The following RFX6 variants were observed in gnomAD, a reference collection of about 807,000 sequenced individuals.
RFX6 encodes regulatory factor X6, also known as DNA-binding protein RFX6.
RFX6 carries 50 observed loss-of-function variants against 110.8 expected under a neutral mutation model. The ratio of observed to expected loss-of-function variants is 0.45; its 90% CI spans 0.36 to 0.57. RFX6 has a LOEUF of 0.57. Ranked by LOEUF, RFX6 falls within the 20% of genes least tolerant of loss-of-function variation. The probability of loss-of-function intolerance (pLI) is 0.00; values close to 1 mark genes in which losing one functional copy is unlikely to be tolerated. For missense variants in RFX6, 990 were observed against 1,127.0 expected (o/e 0.88, Z 1.74); for synonymous variants, 383 against 411.2 (o/e 0.93, Z 0.83).
intron 14 of RFX6, chr6:116,923,509 T>C (rs1403409637): frequency 2.4e-6 from 1 of 424,990 alleles, no homozygotes; most frequent in Non-Finnish European, 4.3e-6. Flanking sequence ...TGAGATGATG[T>C]ATATAAAAAC....
rs1303001714 is a variant in RFX6 at position 116,883,144 on chromosome 6, C to A, written c.566+716C>A. On this transcript the variant is annotated intron_variant, in intron 4 of 18. Transcript: ENST00000332958. The stretch of plus-strand genomic sequence containing the variant: ...CTTCATGATTGCTCTAGTATTTCCC[C>A]CTTTGAGCTGTTGCTTCCCTTACCA... Among the ~76,000 whole-genome samples, 4 of 152,100 alleles carry A rather than the reference C, an allele frequency of 2.6e-5. No homozygotes were observed. The South Asian group carries it at 8.3e-4, about 32-fold the overall frequency.
At chr6:116,908,426 A>T (rs1283657484) in intron 6 of RFX6, among the ~76,000 whole-genome samples, 1 of 152,126 alleles carries the variant, frequency 6.6e-6, no homozygotes, top group Non-Finnish European at 1.5e-5. Flanking sequence ...AATCAATTAC[A>T]TCAGTAGCAA....
chr6:116,907,752 T>C (rs543835851), intron 6 of RFX6, among the ~76,000 whole-genome samples: 1 of 152,226 alleles, frequency 6.6e-6, no homozygotes, highest in Admixed American at 6.5e-5. Context: ...GTTGGTTTAT[T>C]ATGCTGTCAC....
At chr6:116,900,402 G>C (rs1190515659) in intron 6 of RFX6, among the ~76,000 whole-genome samples, 3 of 151,950 alleles carry the variant, frequency 2.0e-5, no homozygotes. Flanking sequence ...TTACAGGCGT[G>C]CGCCGCCACA....
chr6:116,877,434 CG>C lies in RFX6; in HGVS notation c.164del (p.Gly55AlafsTer18), dbSNP rs778390705. 1.9e-6 allele frequency: 3 copies of C among 1,593,380 alleles called. No individual in the cohort carries two copies. The highest frequency in any genetic ancestry group is 2.6e-6 in the Non-Finnish European group (3 of 1,169,706). ...TVYLAAEGQP[G>X]GEQGGGEKGE... ...TGTACCTGGCGGCCGAAGGGCAGCC[CG>C]GGGGCGAGCAGGGCGGCGGGGAGAA... is the stretch of plus-strand genomic sequence containing the variant. On this transcript the variant is annotated frameshift_variant, in exon 1 of 19. Coordinates refer to ENST00000332958, the MANE Select transcript of RFX6 (RefSeq NM_173560.4). LOFTEE classifies it high-confidence loss of function.
chr6:116,877,273 AG>A lies in RFX6; in HGVS notation c.-1del. ...CGCGCGGAGGTGTCCGGCGGCCAGG[AG>A]GATGGCCAAGGTCCCGGAGCTGGAA... On this transcript the variant is annotated 5_prime_UTR_variant, in exon 1 of 19. Coordinates refer to ENST00000332958, the MANE Select transcript of RFX6 (RefSeq NM_173560.4). The A allele has an allele frequency of 6.2e-7, 1 of 1,606,424 alleles. No individual in the cohort carries two copies. Among genetic ancestry groups the A allele is most frequent in the Non-Finnish European group, 8.5e-7 (1 of 1,176,236 alleles).
chr6:116,917,311 A>G (rs1040298646), intron 9 of RFX6, among the ~76,000 whole-genome samples: 1 of 150,570 alleles, frequency 6.6e-6, no homozygotes, highest in Non-Finnish European at 1.5e-5. Context: ...AGTTGAAAAA[A>G]TTTCAGAGGA....
intron 4 of RFX6, among the ~76,000 whole-genome samples, chr6:116,891,307 A>C (rs1241054165): frequency 3.3e-5 from 5 of 152,192 alleles, no homozygotes; most frequent in African/African-American, 1.2e-4. Flanking sequence ...TTTGTGTACC[A>C]CCTGTGAAGA....
chr6:116,880,724 G>A, intron 3 of RFX6, 57 bp downstream of exon 3: 1 of 1,577,140 alleles, frequency 6.3e-7, no homozygotes, highest in Non-Finnish European at 8.7e-7. Context: ...CAGGCAGATA[G>A]CATGAAAATG....
intron 4 of RFX6, among the ~76,000 whole-genome samples, chr6:116,891,037 T>A (rs78781268): frequency 0.026 from 3,976 of 152,288 alleles, 82 homozygotes; most frequent in South Asian, 0.041. Flanking sequence ...GCAATTTTTT[T>A]AAAATGTGAA....
At chr6:116,883,693 C>T (rs898664002) in intron 4 of RFX6, among the ~76,000 whole-genome samples, 1 of 152,074 alleles carries the variant, frequency 6.6e-6, no homozygotes, top group South Asian at 2.1e-4. Context: ...GTGCTTACCC[C>T]CACATATGGC....
intron 18 of RFX6, among the ~76,000 whole-genome samples, chr6:116,930,274 G>T (rs1048569102): frequency 2.1e-5 from 3 of 141,276 alleles, no homozygotes; most frequent in Non-Finnish European, 4.6e-5. Flanking sequence ...TATAAAGCCT[G>T]GTTCTTAGAC....
At chr6:116,926,481 T>C (rs1775736090) in intron 16 of RFX6, among the ~76,000 whole-genome samples, 1 of 152,196 alleles carries the variant, frequency 6.6e-6, no homozygotes, top group East Asian at 1.9e-4. Flanking sequence ...ATACATTACT[T>C]CATTTGATAT....
chr6:116,885,664 A>G (rs1774685376), intron 4 of RFX6, among the ~76,000 whole-genome samples: 1 of 152,162 alleles, frequency 6.6e-6, no homozygotes, highest in African/African-American at 2.4e-5. Flanking sequence ...TATCAATCGT[A>G]TCAACAAATA....
At chr6:116,884,639 G>C (rs1774661098) in intron 4 of RFX6, 1 of 152,132 alleles carries the variant, frequency 6.6e-6, no homozygotes, top group Admixed American at 6.5e-5. Context: ...GCAATGAAGA[G>C]AAACCCTCTT....
Position 116,928,882 on chromosome 6 carries a change from T to C in RFX6, c.2522T>C (p.Leu841Pro). 1.9e-6 allele frequency: 3 copies of C among 1,613,938 alleles called. No individual in the cohort carries two copies. The highest frequency in any genetic ancestry group is 2.2e-5 in the East Asian group (1 of 44,884). ...CCCTACAGTGACATCCACGATCCAC[T>C]TAACATTTTAGATGACAGTGGTAGA... ...LPPYSDIHDP[L>P]NILDDSGRKQ... The change falls in exon 18 of 19, where the codon CTT becomes CCT. Residue 841 changes from leucine (L) to proline (P), a missense_variant. Physicochemically the swap from Leu to Pro is moderately conservative, Grantham distance 98. Coordinates refer to ENST00000332958, the MANE Select transcript of RFX6 (RefSeq NM_173560.4).
chr6:116,895,342 A>C, intron 6 of RFX6, 135 bp downstream of exon 6: 1 of 570,042 alleles, frequency 1.8e-6, no homozygotes, highest in South Asian at 2.2e-5. Context: ...GAAGGACTTC[A>C]GATACAGCTC....
chr6:116,915,701 T>A (rs977613372), intron 7 of RFX6, among the ~76,000 whole-genome samples: 1 of 152,026 alleles, frequency 6.6e-6, no homozygotes, highest in Non-Finnish European at 1.5e-5. Flanking sequence ...TAAATTTAAA[T>A]TAAAAATTAA....
chr6:116,877,351 G>A lies in RFX6; in HGVS notation c.76G>A (p.Glu26Lys). 1 of 1,612,712 alleles carries A rather than the reference G, an allele frequency of 6.2e-7. No homozygotes were observed. The highest frequency in any genetic ancestry group is 8.5e-7 in the Non-Finnish European group (1 of 1,179,498). ...PAPQLSPGIQEDCCVQLLGKG... is the reference protein window; with the variant it reads ...PAPQLSPGIQKDCCVQLLGKG... ...GCCCCAACTGTCCCCGGGGATCCAG[G>A]AAGACTGCTGTGTGCAGCTCCTGGG... Residue 26 changes from glutamate (E) to lysine (K), a missense_variant, in exon 1 of 19, where the codon GAA becomes AAA. By Grantham distance (56) the Glu-to-Lys change is moderately conservative. This residue lies in a region of RFX6 where 175 missense variants were observed against 162.3 expected (regional missense o/e 1.08). Coordinates refer to ENST00000332958, the MANE Select transcript of RFX6 (RefSeq NM_173560.4).
Sources: allele counts gnomAD v4.1 joint callset (sites outside exome capture counted in the v4.1 genomes callset), GRCh38; gene constraint gnomAD v4.1.1; regional missense constraint gnomAD v4.1.1; transcripts MANE v1.5; gene names NCBI Gene and HGNC (gene_info 2026-07-23, HGNC 2026-07-21).